The following MTUS2 variants were observed in gnomAD, a reference collection of about 807,000 sequenced individuals.
MTUS2 encodes microtubule-associated tumor suppressor candidate 2.
MTUS2 carries 40 observed loss-of-function variants against 114.1 expected under a neutral mutation model. The ratio of observed to expected loss-of-function variants is 0.35; its 90% CI spans 0.27 to 0.46. MTUS2 has a LOEUF of 0.46. Among genes scored for constraint, MTUS2 ranks in the 20% least tolerant of loss-of-function variants. The probability of loss-of-function intolerance (pLI) is 1.00; values close to 1 mark genes in which losing one functional copy is unlikely to be tolerated. For synonymous variants in MTUS2, 688 were observed against 672.0 expected (o/e 1.02, Z -0.37); for missense variants, 1,679 against 1,705.4 (o/e 0.98, Z 0.27).
intron 2 of MTUS2, among the ~76,000 whole-genome samples, chr13:28,887,865 CCT>C (rs1338621785): frequency 6.6e-6 from 1 of 152,214 alleles, no homozygotes; most frequent in Non-Finnish European, 1.5e-5. Flanking sequence ...ATCTAGACTG[CCT>C]CTCTGTTACC....
intron 14 of MTUS2, among the ~76,000 whole-genome samples, chr13:29,500,238 G>T (rs1882797967): frequency 6.6e-6 from 1 of 152,238 alleles, no homozygotes; most frequent in African/African-American, 2.4e-5. Context: ...AAAAGTGAGG[G>T]CTGGGTGAGG....
chr13:28,935,306 G>A lies in MTUS2; in HGVS notation c.-242-89151G>A, dbSNP rs543405477. On this transcript the variant is annotated intron_variant, in intron 2 of 15. Coordinates refer to ENST00000612955, the MANE Select transcript of MTUS2 (RefSeq NM_001033602.4). ...TGTTCTAAACAGGAGTAAAATTGCT[G>A]AGTCATAGGATGTACATATGTTGAG... Among the ~76,000 whole-genome samples the A allele has an allele frequency of 3.9e-5, 6 of 152,216 alleles. No individual in the cohort carries two copies. In the South Asian group the frequency reaches 1.2e-3, roughly 32 times the overall value.
At chr13:29,173,883 A>G (rs1433136711) in intron 5 of MTUS2, among the ~76,000 whole-genome samples, 2 of 152,152 alleles carry the variant, frequency 1.3e-5, no homozygotes, top group Non-Finnish European at 2.9e-5. Flanking sequence ...TAGACTTAAC[A>G]TAGACTTAAA....
chr13:28,907,092 A>G (rs1020841203), intron 2 of MTUS2, among the ~76,000 whole-genome samples: 3 of 151,554 alleles, frequency 2.0e-5, no homozygotes, highest in Non-Finnish European at 2.9e-5. Flanking sequence ...AGTGGGGGCC[A>G]GTATTCAACA....
chr13:29,467,080 T>C (rs1361885142), intron 9 of MTUS2, among the ~76,000 whole-genome samples: 2 of 152,048 alleles, frequency 1.3e-5, no homozygotes, highest in African/African-American at 4.8e-5. Context: ...GACTATGGGA[T>C]AGAGGAATGA....
chr13:29,421,729 G>A (rs535609395), intron 8 of MTUS2, among the ~76,000 whole-genome samples: 59 of 152,300 alleles, frequency 3.9e-4, no homozygotes, highest in African/African-American at 1.4e-3. Flanking sequence ...AAGAGCATAT[G>A]GAATGCATGA....
chr13:28,871,098 G>C (rs1420594588), intron 2 of MTUS2, among the ~76,000 whole-genome samples: 1 of 152,130 alleles, frequency 6.6e-6, no homozygotes, highest in Non-Finnish European at 1.5e-5. Context: ...ACTGTCATGT[G>C]CTTTATCTTG....
intron 7 of MTUS2, among the ~76,000 whole-genome samples, chr13:29,342,319 T>A (rs909243908): frequency 7.9e-5 from 12 of 152,242 alleles, no homozygotes; most frequent in African/African-American, 2.9e-4. Context: ...TGTCATCTGT[T>A]ATTTTTTTTG....
intron 2 of MTUS2, among the ~76,000 whole-genome samples, chr13:28,869,404 C>T (rs557705500): frequency 6.6e-5 from 10 of 152,282 alleles, no homozygotes; most frequent in African/African-American, 2.2e-4. Context: ...AGATTTTGGT[C>T]CATTTGTAAA....
In MTUS2 at chr13:29,144,478, C is replaced by G. The variant is rs75234026; in HGVS notation, c.2644+43508C>G. ...TCCTCAGCTCAAGTGATTCTCCCAC[C>G]TCAGCCTTCCAGTTTGCTTGGATTA... On this transcript the variant is annotated intron_variant, in intron 5 of 15. Coordinates refer to ENST00000612955, the MANE Select transcript of MTUS2 (RefSeq NM_001033602.4). Among the ~76,000 whole-genome samples the G allele has an allele frequency of 3.2e-3, 483 of 152,156 alleles. 5 individuals are homozygous for G. Among genetic ancestry groups the G allele is most frequent in the African/African-American group, 9.3e-3 (388 of 41,508 alleles).
At chr13:29,340,137 C>T (rs1180499055) in intron 7 of MTUS2, among the ~76,000 whole-genome samples, 1 of 152,178 alleles carries the variant, frequency 6.6e-6, no homozygotes, top group Non-Finnish European at 1.5e-5. Flanking sequence ...TCGCGGAATT[C>T]GGGACATCAC....
chr13:29,018,640 A>T (rs999583768), intron 2 of MTUS2, among the ~76,000 whole-genome samples: 23 of 152,028 alleles, frequency 1.5e-4, no homozygotes, highest in African/African-American at 5.6e-4. Context: ...TGCGCCTGTA[A>T]TCCCAGCTAC....
intron 7 of MTUS2, among the ~76,000 whole-genome samples, chr13:29,353,787 G>T (rs922435429): frequency 2.0e-5 from 3 of 152,150 alleles, no homozygotes; most frequent in Non-Finnish European, 4.4e-5. Flanking sequence ...GAATTACGAG[G>T]TGTTCCACGC....
At chr13:28,845,953 T>TGAGAAGCATTTGGACTTAAATGA (rs1373658079) in intron 2 of MTUS2, among the ~76,000 whole-genome samples, 21 of 151,800 alleles carry the variant, frequency 1.4e-4, no homozygotes, top group Non-Finnish European at 2.9e-4. Flanking sequence ...CACTTCCAAA[T>TGAGAAGCATTTGGACTTAAATGA]GAAGCCTCAT....
chr13:29,492,377 G>A (rs1428612543), intron 11 of MTUS2, among the ~76,000 whole-genome samples: 1 of 151,846 alleles, frequency 6.6e-6, no homozygotes, highest in Non-Finnish European at 1.5e-5. Flanking sequence ...TGTGTAGTGT[G>A]TGGTCTGTGT....
At chr13:29,261,468 G>A (rs1294135052) in intron 5 of MTUS2, among the ~76,000 whole-genome samples, 1 of 152,188 alleles carries the variant, frequency 6.6e-6, no homozygotes, top group African/African-American at 2.4e-5. Flanking sequence ...GACTAAAGCA[G>A]TATCTGACAT....
rs111247310 is a variant in MTUS2, at chr13:29,209,067, T to A, written c.2645-72637T>A. On this transcript the variant is annotated intron_variant, in intron 5 of 15. Transcript: ENST00000612955. ...ATTGTGTTGCTGTCTGTCTCTTTTT[T>A]AAAGTCTATTAGTAATTGTTTTATA... Among the ~76,000 whole-genome samples the A allele has an allele frequency of 3.8e-4, 58 of 152,182 alleles. 1 individual carries two copies. Among genetic ancestry groups the A allele is most frequent in the Non-Finnish European group, 1.6e-4 (11 of 68,006 alleles).
At chr13:29,151,026 T>G (rs1284942929) in intron 5 of MTUS2, among the ~76,000 whole-genome samples, 1 of 152,216 alleles carries the variant, frequency 6.6e-6, no homozygotes, top group East Asian at 1.9e-4. Context: ...TTATTTGGGC[T>G]CTTTTTTGGT....
At chr13:28,892,328 G>A (rs144073328) in intron 2 of MTUS2, among the ~76,000 whole-genome samples, 1 of 152,240 alleles carries the variant, frequency 6.6e-6, no homozygotes, top group Non-Finnish European at 1.5e-5. Flanking sequence ...TGGTGCTGGA[G>A]CCATCCTGAG....
Sources: allele counts gnomAD v4.1 joint callset (sites outside exome capture counted in the v4.1 genomes callset), GRCh38; gene constraint gnomAD v4.1.1; transcripts MANE v1.5; gene names NCBI Gene and HGNC (gene_info 2026-07-23, HGNC 2026-07-21).